Variants in PARP12 observed in about 807,000 individuals in gnomAD.
The protein encoded by PARP12 is poly(ADP-ribose) polymerase family member 12, also known as protein mono-ADP-ribosyltransferase PARP12.
A neutral mutation model predicts 72.4 loss-of-function variants in PARP12; 59 were observed. That is an observed-to-expected ratio of 0.81 (90% CI 0.66 to 1.01). The LOEUF is 1.01. PARP12 is among the 50% of genes least tolerant of loss of function. The pLI is 0.00. For synonymous variants in PARP12, 403 were observed against 371.4 expected (o/e 1.09, Z -0.98); for missense variants, 851 against 914.0 (o/e 0.93, Z 0.89).
At chr7:140,029,320 T>G (rs562416919) in intron 8 of PARP12, among the ~76,000 whole-genome samples, 20 of 152,272 alleles carry the variant, frequency 1.3e-4, no homozygotes, top group Middle Eastern at 3.4e-3. Context: ...AAAAATTAAA[T>G]AAAAGCAGTT....
Position 140,024,601 on chromosome 7 carries a change from T to G in PARP12, c.2065A>C (p.Ile689Leu), listed in dbSNP as rs890992306. Reference sequence around the variant, plus strand: ...AACAGGGAGCCCAAGGCCAGCAGGATGGAGGGTGTGACCGAGGGCTTGGAG... The same window carrying G: ...AACAGGGAGCCCAAGGCCAGCAGGAGGGAGGGTGTGACCGAGGGCTTGGAG... ...TSSKPSVTPS[I>L]LLALGSLFSS... The change falls in exon 12 of 12, where the codon ATC becomes CTC. Residue 689 changes from isoleucine to leucine, a missense_variant. Physicochemically the swap from Ile to Leu is conservative, Grantham distance 5. Transcript: ENST00000263549. 1.7e-5 allele frequency: 27 copies of G among 1,614,124 alleles called. No homozygotes were observed. The highest frequency in any genetic ancestry group is 2.2e-5 in the Non-Finnish European group (26 of 1,180,024).
chr7:140,035,601 G>A (rs190145963), intron 7 of PARP12, among the ~76,000 whole-genome samples: 36 of 152,312 alleles, frequency 2.4e-4, no homozygotes, highest in African/African-American at 8.4e-4. Context: ...TTTGCCTTGA[G>A]TGAATCATTT....
In PARP12 at chr7:140,024,576, A is replaced by C; in HGVS notation, c.2090T>G (p.Phe697Cys). 2 of 1,614,206 alleles carry C rather than the reference A, an allele frequency of 1.2e-6. No homozygotes were observed. Among genetic ancestry groups the C allele is most frequent in the South Asian group, 2.2e-5 (2 of 91,078 alleles). The change falls in exon 12 of 12, where the codon TTC (phenylalanine) becomes TGC (cysteine). Residue 697 changes from phenylalanine (F) to cysteine (C), a missense_variant. Transcript: ENST00000263549. ...CCTGTGCGCTCACTGTCGGCTGCTGAACAGGGAGCCCAAGGCCAGCAGGAT... is the reference window on the plus strand; with the variant it reads ...CCTGTGCGCTCACTGTCGGCTGCTGCACAGGGAGCCCAAGGCCAGCAGGAT... ...PSILLALGSL[F>C]SSRQ
intron 4 of PARP12, among the ~76,000 whole-genome samples, chr7:140,048,445 A>C (rs1816824895): frequency 6.6e-6 from 1 of 152,186 alleles, no homozygotes; most frequent in African/African-American, 2.4e-5. Context: ...CACACAGAGA[A>C]GTGTCATGAG....
chr7:140,051,673 G>A (rs1309146755), intron 4 of PARP12, among the ~76,000 whole-genome samples: 1 of 152,142 alleles, frequency 6.6e-6, no homozygotes, highest in Non-Finnish European at 1.5e-5. Context: ...TTACAGGCAT[G>A]AGCCACCATG....
At chr7:140,058,660 C>A (rs1163517207) in intron 1 of PARP12, among the ~76,000 whole-genome samples, 1 of 152,170 alleles carries the variant, frequency 6.6e-6, no homozygotes, top group African/African-American at 2.4e-5. Context: ...AGAACTGTGA[C>A]AAAATCGATT....
intron 7 of PARP12, among the ~76,000 whole-genome samples, chr7:140,036,979 C>T (rs1816228320): frequency 6.6e-6 from 1 of 152,160 alleles, no homozygotes; most frequent in Non-Finnish European, 1.5e-5. Context: ...TTCAATTACT[C>T]TGTGTCCTAC....
Position 140,057,879 on chromosome 7 carries a change from A to G in PARP12, c.462+20T>C. 1 of 1,613,862 alleles carries G rather than the reference A, an allele frequency of 6.2e-7. No individual in the cohort carries two copies. The highest frequency in any genetic ancestry group is 8.5e-7 in the Non-Finnish European group (1 of 1,179,934). On this transcript the variant is annotated intron_variant, in intron 2 of 11. Coordinates refer to ENST00000263549, the MANE Select transcript of PARP12 (RefSeq NM_022750.4). ...ATGTCCCCAGGGAGCTGTGGAACCC[A>G]GACTTCCCCTGGCACTCACTTCTGG...
intron 8 of PARP12, among the ~76,000 whole-genome samples, chr7:140,030,541 T>C (rs920967632): frequency 1.4e-4 from 22 of 152,252 alleles, no homozygotes; most frequent in Non-Finnish European, 2.9e-4. Context: ...GAGGTTGCAG[T>C]GAGCCAAGAT....
At chr7:140,055,845 A>G (rs917204797) in intron 3 of PARP12, among the ~76,000 whole-genome samples, 15 of 152,286 alleles carry the variant, frequency 9.8e-5, no homozygotes, top group African/African-American at 3.6e-4. Context: ...ACTTTTAAAT[A>G]TAAAAGTCAG....
At chr7:140,055,812 AG>A (rs1236011467) in intron 3 of PARP12, among the ~76,000 whole-genome samples, 1 of 152,274 alleles carries the variant, frequency 6.6e-6, no homozygotes, top group Admixed American at 6.5e-5. Flanking sequence ...GACAATGTAA[AG>A]AAAAAACAAA....
rs1817524162 is a variant in PARP12 at position 140,062,766 on chromosome 7, G to A, written c.82C>T (p.Arg28Cys). 5 of 1,392,388 alleles carry A rather than the reference G, an allele frequency of 3.6e-6. No homozygotes were observed. The highest frequency in any genetic ancestry group is 4.7e-6 in the Non-Finnish European group (5 of 1,068,408). 86.3% of individuals were successfully genotyped at this position (1,392,388 alleles called of 1,614,324 possible). The stretch of plus-strand genomic sequence containing the variant: ...GCGCTCAAGCCCATCCGCAAGCGGC[G>A]CCGCAGCTCGGGCAACTCCAGGGCG... ...GGALELPELR[R>C]RLRMGLSADA... The change falls in exon 1 of 12, where the codon CGC (arginine) becomes TGC (cysteine). Residue 28 changes from arginine to cysteine, a missense_variant. By Grantham distance (180) the Arg-to-Cys change is radical (BLOSUM62 -3). Around this residue, in one of 3 missense-constraint regions of PARP12, gnomAD observed 492 missense variants for 489.3 expected, o/e 1.01. Transcript: ENST00000263549.
intron 6 of PARP12, 199 bp downstream of exon 6, chr7:140,041,445 C>A: frequency 2.0e-6 from 1 of 495,200 alleles, no homozygotes; most frequent in Non-Finnish European, 3.6e-6. Context: ...GGAAGCTCTT[C>A]AAAGATGAAA....
rs972952229 is a variant in PARP12 at position 140,026,203 on chromosome 7, C to T, written c.1774G>A (p.Gly592Ser). Reference sequence around the variant, plus strand: ...GAGGCCAGTCATGCCTTACCCTTGCCGTAGGAAGTGCCATGAACACCACAG... The same window carrying T: ...GAGGCCAGTCATGCCTTACCCTTGCTGTAGGAAGTGCCATGAACACCACAG... Reference protein sequence around the residue: ...RVCGVHGTSYGKGSYFARDAA... With the variant: ...RVCGVHGTSYSKGSYFARDAA... Residue 592 changes from glycine to serine, a missense_variant, in exon 11 of 12, where the codon GGC (glycine) becomes AGC (serine). Physicochemically the swap from Gly to Ser is moderately conservative, Grantham distance 56 (BLOSUM62 0). Transcript: ENST00000263549. 3.7e-6 allele frequency: 6 copies of T among 1,613,972 alleles called. No individual in the cohort carries two copies. Among genetic ancestry groups the T allele is most frequent in the African/African-American group, 2.7e-5 (2 of 74,914 alleles).
chr7:140,044,367 T>G (rs10226595), intron 5 of PARP12, among the ~76,000 whole-genome samples: 2 of 152,192 alleles, frequency 1.3e-5, no homozygotes, highest in Admixed American at 6.5e-5. Context: ...TGATGTCCTT[T>G]TAAGACGAGG....
Position 140,052,007 on chromosome 7 carries a change from C to T in PARP12, c.862+2655G>A, listed in dbSNP as rs1816981301. Among the ~76,000 whole-genome samples, 3 of 152,212 alleles carry T rather than the reference C, an allele frequency of 2.0e-5. No homozygotes were observed. The South Asian group carries it at 6.2e-4, about 32-fold the overall frequency. On this transcript the variant is annotated intron_variant, in intron 4 of 11. Coordinates refer to ENST00000263549, the MANE Select transcript of PARP12 (RefSeq NM_022750.4). ...TTGCTGTGACTTCTGCTCCTGATCA[C>T]TTCTGCTGTGACTGGGCCACTTCCC...
chr7:140,026,781 C>T (rs1267035560), intron 10 of PARP12, among the ~76,000 whole-genome samples: 1 of 152,188 alleles, frequency 6.6e-6, no homozygotes, highest in Non-Finnish European at 1.5e-5. Flanking sequence ...GTACACATTA[C>T]ACTACCCCAA....
At chr7:140,033,000 G>A (rs1001591704) in intron 8 of PARP12, among the ~76,000 whole-genome samples, 3 of 152,026 alleles carry the variant, frequency 2.0e-5, no homozygotes, top group African/African-American at 7.2e-5. Context: ...CACCCAGGCT[G>A]GAGTGCAGTG....
Position 140,028,627 on chromosome 7 carries a change from C to G in PARP12, c.1483G>C (p.Asp495His). Residue 495 changes from aspartate (D) to histidine (H), a missense_variant, in exon 9 of 12, where the codon GAC becomes CAC. Transcript: ENST00000263549. ...GCGTCCCCTACCTGAAAGCCTGGGT[C>G]TGGCAGGGCAGAGGAGTCCCAATAG... ...PDYWDSSALPDPGFQKITLSS... is the reference protein window; with the variant it reads ...PDYWDSSALPHPGFQKITLSS... 6.3e-7 allele frequency: 1 copy of G among 1,598,050 alleles called. No individual in the cohort carries two copies. Among genetic ancestry groups the G allele is most frequent in the Non-Finnish European group, 8.5e-7 (1 of 1,171,844 alleles).
Sources: gnomAD v4.1 joint callset for allele counts (sites outside exome capture counted in the v4.1 genomes callset) on GRCh38, gnomAD v4.1.1 for gene constraint, gnomAD v4.1.1 regional missense constraint, MANE v1.5 for transcripts, NCBI Gene and HGNC (gene_info 2026-07-23, HGNC 2026-07-21) for gene names.